Variants in LONRF1 observed in about 807,000 individuals in gnomAD.
LONRF1 encodes LON peptidase N-terminal domain and ring finger 1, also known as LON peptidase N-terminal domain and RING finger protein 1.
LONRF1 carries 37 observed loss-of-function variants against 85.8 expected under a neutral mutation model. The observed-to-expected ratio is 0.43, with a 90% CI of 0.33 to 0.57. LONRF1 has a LOEUF of 0.57. Ranked by LOEUF, LONRF1 falls within the 20% of genes least tolerant of loss-of-function variation. The probability of loss-of-function intolerance (pLI) is 0.04; values close to 1 mark genes in which losing one functional copy is unlikely to be tolerated. For synonymous variants in LONRF1, 517 were observed against 390.1 expected, an observed-to-expected ratio of 1.33 and a Z score of -3.83; for missense variants, 1,036 against 978.0, an observed-to-expected ratio of 1.06 and a Z score of -0.79.
chr8:12,737,715 C>A lies in LONRF1; in HGVS notation c.1113+280G>T, dbSNP rs1411220422. ...TAAAAGTAGTTATGCTATAACACAG[C>A]TGTTACTACCCTGAGGAAACATAAA... On this transcript the variant is annotated intron_variant, in intron 4 of 11. Transcript: ENST00000398246. Among the ~76,000 whole-genome samples, 6 of 152,098 alleles carry A rather than the reference C, an allele frequency of 3.9e-5. No homozygotes were observed. The South Asian group carries it at 6.2e-4, about 16-fold the overall frequency.
chr8:12,735,520 G>A, intron 6 of LONRF1, 120 bp from the exon 7 acceptor site: 3 of 671,386 alleles, frequency 4.5e-6, no homozygotes, highest in Admixed American at 2.4e-5. Context: ...GGCCCAGCAG[G>A]CAGGAGAGGA....
Position 12,734,435 on chromosome 8 carries a change from A to G in LONRF1, c.1566+851T>C, listed in dbSNP as rs189555624. ...TACTTTTTTTTAAGCAATCCTGTCAATCACCAGAGACAGAATCACTTTCCC... is the reference window on the plus strand; with the variant it reads ...TACTTTTTTTTAAGCAATCCTGTCAGTCACCAGAGACAGAATCACTTTCCC... On this transcript the variant is annotated intron_variant, in intron 7 of 11. Transcript: ENST00000398246. Among the ~76,000 whole-genome samples the G allele has an allele frequency of 4.7e-3, 716 of 152,270 alleles. 4 individuals are homozygous for G. The highest frequency in any genetic ancestry group is 0.017 in the African/African-American group (692 of 41,542).
intron 7 of LONRF1, among the ~76,000 whole-genome samples, chr8:12,733,992 G>A (rs1798625696): frequency 6.6e-6 from 1 of 151,850 alleles, no homozygotes; most frequent in Non-Finnish European, 1.5e-5. Context: ...TTTTAAAGAG[G>A]GAATATCCCT....
At chr8:12,752,890 C>T (rs145112369) in intron 1 of LONRF1, 3 of 152,330 alleles carry the variant, frequency 2.0e-5, no homozygotes, top group African/African-American at 7.2e-5. Context: ...TAAACATGTG[C>T]TATAAGGCAG....
chr8:12,744,876 A>ATT (rs57643347), intron 1 of LONRF1, among the ~76,000 whole-genome samples: 18 of 151,520 alleles, frequency 1.2e-4, no homozygotes, highest in South Asian at 2.1e-4. Flanking sequence ...TTGGATTTTT[A>ATT]TTTTTTTTAA....
chr8:12,745,145 A>C (rs1423370397), intron 1 of LONRF1, among the ~76,000 whole-genome samples: 1 of 152,168 alleles, frequency 6.6e-6, no homozygotes, highest in Non-Finnish European at 1.5e-5. Flanking sequence ...CGGGATATTG[A>C]GATCTCCCTA....
At chr8:12,728,771 C>T (rs1798416665) in intron 10 of LONRF1, 130 bp downstream of exon 10, 8 of 981,790 alleles carry the variant, frequency 8.1e-6, no homozygotes, top group African/African-American at 4.9e-5. Flanking sequence ...ACTTGGAGCA[C>T]ATTCTCATCA....
intron 2 of LONRF1, among the ~76,000 whole-genome samples, chr8:12,742,254 CT>C (rs551888511): frequency 2.6e-5 from 4 of 152,152 alleles, no homozygotes; most frequent in Non-Finnish European, 5.9e-5. Context: ...TTAGAGCAGC[CT>C]TACTACACTG....
intron 1 of LONRF1, among the ~76,000 whole-genome samples, chr8:12,744,554 C>A (rs1799068957): frequency 1.3e-5 from 2 of 152,036 alleles, no homozygotes; most frequent in Non-Finnish European, 2.9e-5. Context: ...TGTAGGTATT[C>A]AAAAATGTTT....
chr8:12,734,525 C>A (rs768208331), intron 7 of LONRF1, among the ~76,000 whole-genome samples: 1 of 152,160 alleles, frequency 6.6e-6, no homozygotes, highest in Non-Finnish European at 1.5e-5. Flanking sequence ...AGTAGGTGAT[C>A]TGCAGTCACT....
rs1252949752 is a variant in LONRF1, at chr8:12,749,864, T to A, written c.721+4836A>T. ...CTAGGGATTTTCAATTTGCTGCAATTACAAAAGAAACAAAAAATACAAACT... is the reference window on the plus strand; with the variant it reads ...CTAGGGATTTTCAATTTGCTGCAATAACAAAAGAAACAAAAAATACAAACT... On this transcript the variant is annotated intron_variant, in intron 1 of 11. Coordinates refer to ENST00000398246, the MANE Select transcript of LONRF1 (RefSeq NM_152271.5). Among the ~76,000 whole-genome samples, 5 of 152,182 alleles carry A rather than the reference T, an allele frequency of 3.3e-5. No homozygotes were observed. The East Asian group carries it at 9.6e-4, about 29-fold the overall frequency.
At chr8:12,751,238 T>C (rs975978873) in intron 1 of LONRF1, among the ~76,000 whole-genome samples, 1 of 151,072 alleles carries the variant, frequency 6.6e-6, no homozygotes, top group Non-Finnish European at 1.5e-5. Flanking sequence ...CAAATGATAT[T>C]AATATAAATA....
At chr8:12,735,429 T>C in intron 6 of LONRF1, 29 bp from the exon 7 acceptor site, 1 of 1,405,706 alleles carries the variant, frequency 7.1e-7, no homozygotes, top group African/African-American at 1.4e-5. Context: ...CATGTTAGTT[T>C]TCACATTAAA....
At chr8:12,724,702 G>C (rs571893087) in intron 11 of LONRF1, among the ~76,000 whole-genome samples, 1 of 152,156 alleles carries the variant, frequency 6.6e-6, no homozygotes, top group South Asian at 2.1e-4. Context: ...AAGCTGTTTT[G>C]TTATTTAAAA....
intron 1 of LONRF1, chr8:12,754,167 T>C (rs1212901236): frequency 6.6e-6 from 1 of 151,664 alleles, no homozygotes; most frequent in Non-Finnish European, 1.5e-5. Context: ...AATTCTGCCC[T>C]CCCGCGGTTC....
intron 1 of LONRF1, among the ~76,000 whole-genome samples, chr8:12,752,069 G>A (rs1288965203): frequency 6.6e-6 from 1 of 152,126 alleles, no homozygotes; most frequent in Admixed American, 6.5e-5. Context: ...GATAAGTTTG[G>A]ATGTGTGTGG....
At chr8:12,737,914 C>A in intron 4 of LONRF1, 81 bp downstream of exon 4, 1 of 1,449,368 alleles carries the variant, frequency 6.9e-7, no homozygotes, top group East Asian at 2.5e-5. Flanking sequence ...GGTGCTAGTA[C>A]TTGAAACTAG....
intron 6 of LONRF1, 47 bp from the exon 7 acceptor site, chr8:12,735,447 C>A (rs13251315): frequency 0.91 from 1,100,534 of 1,212,508 alleles, 508,952 homozygotes; most frequent in East Asian, 0.95. Flanking sequence ...AAACTATCCA[C>A]TGAAAAGCTT....
intron 1 of LONRF1, chr8:12,754,084 C>A (rs1294204622): frequency 6.6e-6 from 1 of 152,188 alleles, no homozygotes; most frequent in Non-Finnish European, 1.5e-5. Flanking sequence ...CGGGGCCGGG[C>A]GCCCGCGCGG....
Sources: allele counts gnomAD v4.1 joint callset (sites outside exome capture counted in the v4.1 genomes callset), GRCh38; gene constraint gnomAD v4.1.1; transcripts MANE v1.5; gene names NCBI Gene and HGNC (gene_info 2026-07-23, HGNC 2026-07-21).